The following FNDC3B variants were observed in gnomAD, a reference collection of about 807,000 sequenced individuals.
FNDC3B encodes fibronectin type III domain-containing protein 3B.
Under a neutral mutation model 151.5 loss-of-function variants are expected in FNDC3B, and 12 were observed. The observed-to-expected ratio is 0.08, with a 90% CI of 0.05 to 0.13. FNDC3B has a LOEUF of 0.13. FNDC3B is among the 10% of genes least tolerant of loss of function. The pLI, the probability that FNDC3B is intolerant of heterozygous loss-of-function variation, is 1.00. For synonymous variants in FNDC3B, 528 were observed against 549.0 expected, an observed-to-expected ratio of 0.96 and a Z score of 0.54; for missense variants, 1,214 against 1,505.3, an observed-to-expected ratio of 0.81 and a Z score of 3.20.
chr3:172,208,452 CA>C (rs1725541159), intron 3 of FNDC3B, among the ~76,000 whole-genome samples: 1 of 152,154 alleles, frequency 6.6e-6, no homozygotes, highest in Non-Finnish European at 1.5e-5. Context: ...ATATCGAGAA[CA>C]AATGGAGAAG....
chr3:172,154,682 C>T (rs770176870), intron 3 of FNDC3B, among the ~76,000 whole-genome samples: 26 of 152,250 alleles, frequency 1.7e-4, no homozygotes, highest in African/African-American at 3.9e-4. Flanking sequence ...TCCACACTCC[C>T]GCATACTTAA....
chr3:172,145,279 G>A (rs377249943), intron 3 of FNDC3B, among the ~76,000 whole-genome samples: 21 of 152,108 alleles, frequency 1.4e-4, no homozygotes, highest in African/African-American at 4.8e-4. Context: ...GGGAGGTGTA[G>A]CATCAAGGGA....
At chr3:172,176,856 G>A (rs113057689) in intron 3 of FNDC3B, among the ~76,000 whole-genome samples, 3,553 of 152,264 alleles carry the variant, frequency 0.023, 49 homozygotes, top group Middle Eastern at 0.044. Context: ...GTCTTGCAGT[G>A]GGGGAGAGAG....
chr3:172,210,881 G>A (rs752446027), intron 3 of FNDC3B, among the ~76,000 whole-genome samples: 1 of 151,806 alleles, frequency 6.6e-6, no homozygotes, highest in Admixed American at 6.6e-5. Flanking sequence ...ACTCGGATGT[G>A]TTACCCATAC....
At chr3:172,369,065 C>T (rs1430109500) in intron 23 of FNDC3B, among the ~76,000 whole-genome samples, 1 of 152,094 alleles carries the variant, frequency 6.6e-6, no homozygotes, top group East Asian at 1.9e-4. Context: ...ACAATTTAGC[C>T]TTTGAAACCG....
intron 1 of FNDC3B, among the ~76,000 whole-genome samples, chr3:172,048,621 G>A (rs995665593): frequency 3.9e-5 from 6 of 152,134 alleles, no homozygotes; most frequent in African/African-American, 1.4e-4. Flanking sequence ...GCAAAAGAAA[G>A]CAGGGACTCA....
At chr3:172,158,923 A>G (rs1030351388) in intron 3 of FNDC3B, among the ~76,000 whole-genome samples, 10 of 151,846 alleles carry the variant, frequency 6.6e-5, no homozygotes, top group Admixed American at 2.6e-4. Context: ...ATCAATGTCC[A>G]GTTGCTCTAG....
At chr3:172,205,268 C>T (rs1425997224) in intron 3 of FNDC3B, among the ~76,000 whole-genome samples, 1 of 152,150 alleles carries the variant, frequency 6.6e-6, no homozygotes, top group African/African-American at 2.4e-5. Flanking sequence ...TTTAAACTTA[C>T]TGGAAATATA....
chr3:172,195,125 G>A (rs1464362613), intron 3 of FNDC3B, among the ~76,000 whole-genome samples: 1 of 152,118 alleles, frequency 6.6e-6, no homozygotes, highest in Non-Finnish European at 1.5e-5. Flanking sequence ...TTGATCTTGA[G>A]ATAAAAACCT....
intron 9 of FNDC3B, chr3:172,302,161 A>C (rs74534642): frequency 6.6e-6 from 1 of 152,138 alleles, no homozygotes; most frequent in Non-Finnish European, 1.5e-5. Flanking sequence ...TGATATCTTC[A>C]TATAATGCTT....
At position 172,146,786 on chromosome 3, in the gene FNDC3B, A is replaced by C. The variant is rs574507168; in HGVS notation, c.187+13240A>C. On this transcript the variant is annotated intron_variant, in intron 3 of 25. Transcript: ENST00000415807. ...GGTAGTTGGCTTTACTGAACCTATTAAAATTGCTTTTTAGCTTTGGTTATA... is the reference window on the plus strand; with the variant it reads ...GGTAGTTGGCTTTACTGAACCTATTCAAATTGCTTTTTAGCTTTGGTTATA... Among the ~76,000 whole-genome samples, 4 of 152,350 alleles carry C rather than the reference A, an allele frequency of 2.6e-5. No individual in the cohort carries two copies. The Middle Eastern group carries it at 0.01, about 389-fold the overall frequency.
chr3:172,343,795 T>C (rs1733462335), intron 18 of FNDC3B, among the ~76,000 whole-genome samples: 1 of 152,238 alleles, frequency 6.6e-6, no homozygotes, highest in Non-Finnish European at 1.5e-5. Context: ...TTCTTCCATT[T>C]ACCTAGCATT....
At chr3:172,107,645 A>C (rs1019078091) in intron 1 of FNDC3B, among the ~76,000 whole-genome samples, 5 of 152,192 alleles carry the variant, frequency 3.3e-5, no homozygotes, top group African/African-American at 1.2e-4. Context: ...AATGAGTTAC[A>C]GTGCGGTTAT....
At chr3:172,075,131 A>G (rs1378911238) in intron 1 of FNDC3B, among the ~76,000 whole-genome samples, 1 of 152,156 alleles carries the variant, frequency 6.6e-6, no homozygotes, top group Non-Finnish European at 1.5e-5. Flanking sequence ...TCTATAAATA[A>G]TATAGTCCTT....
chr3:172,281,269 G>A (rs966579608), intron 6 of FNDC3B, among the ~76,000 whole-genome samples: 3 of 120,628 alleles, frequency 2.5e-5, no homozygotes, highest in Non-Finnish European at 5.2e-5. Flanking sequence ...ATTTTGAGAC[G>A]GAGTCTTGCT....
chr3:172,110,127 C>G (rs1036562244), intron 1 of FNDC3B, among the ~76,000 whole-genome samples: 1 of 152,112 alleles, frequency 6.6e-6, no homozygotes, highest in African/African-American at 2.4e-5. Flanking sequence ...ACAATGCCTA[C>G]CAGAAGGTTA....
intron 1 of FNDC3B, among the ~76,000 whole-genome samples, chr3:172,083,413 G>A (rs1718379972): frequency 1.3e-5 from 2 of 152,230 alleles, no homozygotes; most frequent in Admixed American, 1.3e-4. Flanking sequence ...TTTATAGCAT[G>A]CAGTAAATGA....
At chr3:172,372,810 C>T (rs1734945822) in intron 23 of FNDC3B, among the ~76,000 whole-genome samples, 1 of 152,156 alleles carries the variant, frequency 6.6e-6, no homozygotes, top group South Asian at 2.1e-4. Flanking sequence ...ATGCCAGGCT[C>T]TTACTGTGTC....
chr3:172,162,659 GTTT>G (rs35538458), intron 3 of FNDC3B, among the ~76,000 whole-genome samples: 5 of 135,086 alleles, frequency 3.7e-5, no homozygotes, highest in Admixed American at 7.3e-5. Context: ...TTATTACCTG[GTTT>G]TTTTTTTTTT....
Sources: allele counts gnomAD v4.1 joint callset (sites outside exome capture counted in the v4.1 genomes callset), GRCh38; gene constraint gnomAD v4.1.1; transcripts MANE v1.5; gene names NCBI Gene and HGNC (gene_info 2026-07-23, HGNC 2026-07-21).